NELL1: variants seen among roughly 807,000 people sequenced by gnomAD.
NELL1 encodes protein kinase C-binding protein NELL1.
In NELL1, 76 loss-of-function variants were observed where a neutral mutation model predicts 107.4. That is an observed-to-expected ratio of 0.71 (90% CI 0.59 to 0.86). NELL1 has a LOEUF of 0.86. Among genes scored for constraint, NELL1 ranks in the 40% least tolerant of loss-of-function variants. NELL1 has a pLI of 0.00. For missense variants in NELL1, 1,024 were observed against 1,005.5 expected (o/e 1.02, Z -0.25); for synonymous variants, 353 against 341.2 (o/e 1.03, Z -0.38).
intron 12 of NELL1, among the ~76,000 whole-genome samples, chr11:21,055,624 G>T (rs980241511): frequency 6.6e-6 from 1 of 151,966 alleles, no homozygotes; most frequent in African/African-American, 2.4e-5. Flanking sequence ...GTTTTATTTA[G>T]GAAAGATATT....
chr11:20,924,304 T>A (rs1379836724), intron 7 of NELL1, among the ~76,000 whole-genome samples: 1 of 152,214 alleles, frequency 6.6e-6, no homozygotes, highest in Non-Finnish European at 1.5e-5. Flanking sequence ...AAAAATTAGC[T>A]TTTTGCCTTA....
chr11:21,408,852 A>G (rs2133807369), intron 15 of NELL1, among the ~76,000 whole-genome samples: 1 of 152,186 alleles, frequency 6.6e-6, no homozygotes, highest in South Asian at 2.1e-4. Flanking sequence ...ACTGGCCATC[A>G]GAGAAATGCA....
intron 14 of NELL1, among the ~76,000 whole-genome samples, chr11:21,242,561 A>C (rs1858390875): frequency 6.6e-6 from 1 of 152,134 alleles, no homozygotes; most frequent in Non-Finnish European, 1.5e-5. Context: ...CATGAATAAA[A>C]TTAGCTGCAT....
At chr11:20,964,383 A>T (rs544971174) in intron 12 of NELL1, among the ~76,000 whole-genome samples, 9 of 152,326 alleles carry the variant, frequency 5.9e-5, no homozygotes, top group African/African-American at 1.9e-4. Context: ...CATACACATC[A>T]TGCCATCTGT....
rs74822825 is a variant in NELL1 at position 21,147,972 on chromosome 11, G to A, written c.1426+34258G>A. Among the ~76,000 whole-genome samples the A allele has an allele frequency of 9.7e-3, 1,476 of 152,054 alleles. 72 individuals carry two copies. The East Asian group carries it at 0.12, about 12-fold the overall frequency. The stretch of plus-strand genomic sequence containing the variant: ...CCTAATGGAAAGTTAAGCTACGCAG[G>A]CAATAGTCTTCAAGTTAAGGCCTCT... On this transcript the variant is annotated intron_variant, in intron 13 of 19. Transcript: ENST00000357134.
chr11:20,896,637 C>T lies in NELL1; in HGVS notation c.603+11097C>T, dbSNP rs144857357. On this transcript the variant is annotated intron_variant, in intron 5 of 19. Transcript: ENST00000357134. ...TAGTCAAATTGTCCCTGTTTGCAGA[C>T]GACATGATTGTATATCTAGAAAACC... Among the ~76,000 whole-genome samples the T allele has an allele frequency of 1.2e-4, 18 of 152,172 alleles. No homozygotes were observed. The East Asian group carries it at 1.5e-3, about 13-fold the overall frequency.
intron 3 of NELL1, among the ~76,000 whole-genome samples, chr11:20,784,369 T>C (rs1409053375): frequency 6.6e-6 from 1 of 152,182 alleles, no homozygotes; most frequent in African/African-American, 2.4e-5. Flanking sequence ...GAAAAGAAGA[T>C]AGTTGTATAA....
At chr11:21,315,701 G>A (rs1312709124) in intron 14 of NELL1, among the ~76,000 whole-genome samples, 4 of 152,128 alleles carry the variant, frequency 2.6e-5, no homozygotes, top group African/African-American at 2.4e-5. Context: ...CCTTGTGATT[G>A]TTTCCCCTGC....
chr11:20,891,094 G>A (rs1441794820), intron 5 of NELL1, among the ~76,000 whole-genome samples: 1 of 152,136 alleles, frequency 6.6e-6, no homozygotes, highest in Non-Finnish European at 1.5e-5. Flanking sequence ...GAAAAAAACT[G>A]TTAAGGGCAG....
chr11:20,720,029 T>A (rs1016771104), intron 2 of NELL1, among the ~76,000 whole-genome samples: 1 of 151,772 alleles, frequency 6.6e-6, no homozygotes, highest in African/African-American at 2.4e-5. Flanking sequence ...AAGGCTGAGT[T>A]TTTTTGTTTT....
chr11:21,048,630 T>C (rs973243813), intron 12 of NELL1, among the ~76,000 whole-genome samples: 1 of 152,172 alleles, frequency 6.6e-6, no homozygotes, highest in African/African-American at 2.4e-5. Context: ...TAAACAAAGA[T>C]GATTCTTGCT....
chr11:20,789,281 A>T (rs145007616), intron 3 of NELL1, among the ~76,000 whole-genome samples: 2,679 of 152,286 alleles, frequency 0.018, 29 homozygotes, highest in South Asian at 0.032. Flanking sequence ...TGAGTGAGCA[A>T]GGGGTCTGGC....
At chr11:21,280,278 G>A (rs946728206) in intron 14 of NELL1, among the ~76,000 whole-genome samples, 11 of 152,084 alleles carry the variant, frequency 7.2e-5, no homozygotes, top group Admixed American at 5.9e-4. Flanking sequence ...AGAGCAAGAC[G>A]GCCAAATAGA....
chr11:21,361,202 T>C (rs1001715438), intron 14 of NELL1, among the ~76,000 whole-genome samples: 2 of 152,006 alleles, frequency 1.3e-5, no homozygotes, highest in African/African-American at 4.8e-5. Context: ...TAAAAATGTT[T>C]TATTTCTCCT....
intron 2 of NELL1, among the ~76,000 whole-genome samples, chr11:20,733,762 A>G (rs1242731505): frequency 6.6e-6 from 1 of 152,196 alleles, no homozygotes; most frequent in Non-Finnish European, 1.5e-5. Context: ...ATAGAGACAA[A>G]GGCCATTCGT....
At chr11:21,436,809 G>A (rs1163532170) in intron 15 of NELL1, among the ~76,000 whole-genome samples, 2 of 151,842 alleles carry the variant, frequency 1.3e-5, no homozygotes, top group African/African-American at 4.8e-5. Flanking sequence ...GTTTTGGTAT[G>A]TTATGTTTCC....
At chr11:21,473,207 A>G (rs908254034) in intron 15 of NELL1, among the ~76,000 whole-genome samples, 1 of 152,038 alleles carries the variant, frequency 6.6e-6, no homozygotes, top group Admixed American at 6.6e-5. Flanking sequence ...GGTGAGGGCA[A>G]CATTCCAGGT....
At chr11:20,832,285 A>T (rs1351163832) in intron 3 of NELL1, among the ~76,000 whole-genome samples, 1 of 152,202 alleles carries the variant, frequency 6.6e-6, no homozygotes. Context: ...TGGGCTTTTC[A>T]TGCTGGGTTG....
intron 3 of NELL1, among the ~76,000 whole-genome samples, chr11:20,838,970 C>T (rs1264987439): frequency 6.6e-6 from 1 of 152,140 alleles, no homozygotes; most frequent in Non-Finnish European, 1.5e-5. Context: ...GGCTTGGTTG[C>T]TTAATAAATG....
Sources: allele counts gnomAD v4.1 joint callset (sites outside exome capture counted in the v4.1 genomes callset), GRCh38; gene constraint gnomAD v4.1.1; transcripts MANE v1.5; gene names NCBI Gene and HGNC (gene_info 2026-07-23, HGNC 2026-07-21).